Variants in DIAPH2 observed in about 807,000 individuals in gnomAD.
DIAPH2 encodes protein diaphanous homolog 2.
In DIAPH2, 35 loss-of-function variants were observed where a neutral mutation model predicts 92.7. The ratio of observed to expected loss-of-function variants is 0.38; its 90% confidence interval spans 0.29 to 0.50. The LOEUF is 0.50. Ranked by LOEUF, DIAPH2 falls within the 20% of genes least tolerant of loss-of-function variation. The pLI, the probability that DIAPH2 is intolerant of heterozygous loss-of-function variation, is 0.94. For missense variants in DIAPH2, 701 were observed against 819.5 expected (o/e 0.86, Z 1.77); for synonymous variants, 301 against 280.4 (o/e 1.07, Z -0.73).
chrX:97,568,115 CAAAAAAAAAAAA>C (rs59273565), intron 26 of DIAPH2, among the ~76,000 whole-genome samples: 2 of 30,098 alleles, frequency 6.6e-5, no homozygotes, highest in African/African-American at 1.7e-4. Context: ...GACTCCATCT[CAAAAAAAAAAAA>C]AAAAAAAAAA....
intron 9 of DIAPH2, among the ~76,000 whole-genome samples, chrX:96,922,863 A>C (rs1019091983): frequency 8.9e-6 from 1 of 111,923 alleles, no homozygotes; most frequent in African/African-American, 3.2e-5. Flanking sequence ...TTCAGTAATG[A>C]GGTGATATTT....
At chrX:97,337,359 C>T (rs751892978) in intron 23 of DIAPH2, among the ~76,000 whole-genome samples, 3 of 111,182 alleles carry the variant, frequency 2.7e-5, no homozygotes, top group African/African-American at 9.8e-5. Flanking sequence ...ATAATCTCCA[C>T]GTGTCATGGG....
intron 17 of DIAPH2, among the ~76,000 whole-genome samples, chrX:96,992,124 T>C (rs1421040051): frequency 2.7e-5 from 3 of 111,364 alleles, no homozygotes; most frequent in Non-Finnish European, 5.7e-5. Context: ...TTAAAGTTCA[T>C]AGATGTATAC....
intron 17 of DIAPH2, among the ~76,000 whole-genome samples, chrX:97,036,695 C>A (rs1171331255): frequency 8.9e-6 from 1 of 112,156 alleles, no homozygotes; most frequent in African/African-American, 3.2e-5. Context: ...AGTCAAAATG[C>A]ACATGATTTT....
chrX:96,816,646 A>G (rs2064737985), intron 4 of DIAPH2, among the ~76,000 whole-genome samples: 1 of 112,330 alleles, frequency 8.9e-6, no homozygotes, highest in South Asian at 3.7e-4. Context: ...CAATACAACC[A>G]CTATGGAAAG....
intron 26 of DIAPH2, among the ~76,000 whole-genome samples, chrX:97,430,389 C>T (rs925780782): frequency 8.9e-6 from 1 of 112,271 alleles, no homozygotes; most frequent in African/African-American, 3.2e-5. Context: ...CTGTTCATAC[C>T]CTATGGTAGA....
chrX:97,095,537 C>G (rs1448264672), intron 19 of DIAPH2, among the ~76,000 whole-genome samples: 2 of 108,007 alleles, frequency 1.9e-5, no homozygotes, highest in Non-Finnish European at 3.8e-5. Context: ...AATATTAGCC[C>G]CAATCCGTTT....
At chrX:97,230,785 G>A (rs779003782) in intron 22 of DIAPH2, among the ~76,000 whole-genome samples, 1 of 112,116 alleles carries the variant, frequency 8.9e-6, no homozygotes, top group East Asian at 2.8e-4. Flanking sequence ...GACCTCAGGC[G>A]ATCCACCCGC....
intron 23 of DIAPH2, among the ~76,000 whole-genome samples, chrX:97,340,217 A>G (rs1425714835): frequency 1.8e-5 from 2 of 111,533 alleles, no homozygotes; most frequent in Non-Finnish European, 3.8e-5. Context: ...TTCTCAGGGA[A>G]CTGTGTTAGG....
chrX:97,494,203 C>T (rs1163333747), intron 26 of DIAPH2, among the ~76,000 whole-genome samples: 1 of 108,037 alleles, frequency 9.3e-6, no homozygotes, highest in Non-Finnish European at 1.9e-5. Context: ...TCTGTAGTCC[C>T]AGCTACTCGG....
chrX:97,156,195 A>T (rs12559704), intron 22 of DIAPH2, among the ~76,000 whole-genome samples: 43,739 of 111,014 alleles, frequency 0.39, 7,581 homozygotes, highest in Non-Finnish European at 0.54. Flanking sequence ...AAATTTCAGT[A>T]TGCACCTTAT....
chrX:96,807,482 G>A (rs1382281882), intron 4 of DIAPH2, among the ~76,000 whole-genome samples: 1 of 111,357 alleles, frequency 9.0e-6, no homozygotes, highest in African/African-American at 3.3e-5. Flanking sequence ...AACGTGGAGC[G>A]GTAGCCTTAT....
At chrX:96,981,808 A>G (rs1181690883) in intron 17 of DIAPH2, among the ~76,000 whole-genome samples, 6 of 110,413 alleles carry the variant, frequency 5.4e-5, no homozygotes, top group Non-Finnish European at 1.1e-4. Context: ...ATCACTCTGT[A>G]GTATAACTGT....
intron 26 of DIAPH2, among the ~76,000 whole-genome samples, chrX:97,566,906 C>G (rs1323802391): frequency 9.0e-6 from 1 of 111,185 alleles, no homozygotes; most frequent in Non-Finnish European, 1.9e-5. Context: ...CTGATTATAT[C>G]TATAATAATG....
intron 17 of DIAPH2, among the ~76,000 whole-genome samples, chrX:97,060,342 T>C (rs1232535076): frequency 8.9e-6 from 1 of 112,763 alleles, no homozygotes; most frequent in African/African-American, 3.2e-5. Context: ...CTGCGACTAT[T>C]AGCAGTTGCT....
At chrX:97,268,102 G>T (rs1024221324) in intron 23 of DIAPH2, among the ~76,000 whole-genome samples, 1 of 112,170 alleles carries the variant, frequency 8.9e-6, no homozygotes. Context: ...CAAAGAGCTA[G>T]AGCAGAAAAT....
intron 26 of DIAPH2, among the ~76,000 whole-genome samples, chrX:97,537,506 C>A (rs906473400): frequency 9.0e-6 from 1 of 111,703 alleles, no homozygotes; most frequent in Non-Finnish European, 1.9e-5. Flanking sequence ...AAGATAGTTC[C>A]GAATGATTCC....
chrX:97,430,217 C>G (rs971199811), intron 26 of DIAPH2, among the ~76,000 whole-genome samples: 2 of 111,735 alleles, frequency 1.8e-5, no homozygotes, highest in East Asian at 2.8e-4. Flanking sequence ...AGGAGAGGAA[C>G]AGATACTCCA....
intron 17 of DIAPH2, among the ~76,000 whole-genome samples, chrX:96,978,187 T>C (rs2065973775): frequency 9.0e-6 from 1 of 111,416 alleles, no homozygotes; most frequent in South Asian, 3.8e-4. Context: ...TTTAGAGAGG[T>C]TCAAATCTGG....
Sources: gnomAD v4.1 joint callset for allele counts (sites outside exome capture counted in the v4.1 genomes callset) on GRCh38, gnomAD v4.1.1 for gene constraint, MANE v1.5 for transcripts, NCBI Gene and HGNC (gene_info 2026-07-23, HGNC 2026-07-21) for gene names.